TMEM30A: variants seen among roughly 807,000 people sequenced by gnomAD.
The protein encoded by TMEM30A is cell division cycle 50 P4-ATPase accessory subunit A.
A neutral mutation model predicts 38.2 loss-of-function variants in TMEM30A; 24 were observed. The ratio of observed to expected loss-of-function variants is 0.63; its 90% CI spans 0.46 to 0.88. TMEM30A has a LOEUF of 0.88. Among genes scored for constraint, TMEM30A ranks in the 40% least tolerant of loss-of-function variants. The probability of loss-of-function intolerance (pLI) is 0.00; values close to 1 mark genes in which losing one functional copy is unlikely to be tolerated. For missense variants in TMEM30A, 370 were observed against 458.6 expected (o/e 0.81, Z 1.77); for synonymous variants, 145 against 161.6 (o/e 0.90, Z 0.78).
intron 6 of TMEM30A, chr6:75,256,822 C>T (rs1485951604): frequency 2.2e-6 from 1 of 462,320 alleles, no homozygotes; most frequent in South Asian, 1.5e-5. Flanking sequence ...AATGGCAAAA[C>T]TCACTCTGTG....
Position 75,284,613 on chromosome 6 carries a change from T to A in TMEM30A, c.26A>T (p.Asp9Val), listed in dbSNP as rs778132305. The change falls in exon 1 of 7, where the codon GAT becomes GTT. Residue 9 changes from aspartate (D) to valine (V), a missense_variant. Asp to Val is a radical substitution (Grantham distance 152). Transcript: ENST00000230461. MAMNYNAKDEVDGGPPCAP... is the reference protein window; with the variant it reads MAMNYNAKVEVDGGPPCAP... Reference sequence around the variant, plus strand: ...ACACGGGGGCCCACCGTCCACTTCATCCTTCGCGTTATAGTTCATCGCCAT... The same window carrying A: ...ACACGGGGGCCCACCGTCCACTTCAACCTTCGCGTTATAGTTCATCGCCAT... The A allele has an allele frequency of 6.8e-6, 11 of 1,613,710 alleles. No individual in the cohort carries two copies. The highest frequency in any genetic ancestry group is 9.3e-6 in the Non-Finnish European group (11 of 1,180,004).
chr6:75,274,270 G>C (rs1236700390), intron 1 of TMEM30A, among the ~76,000 whole-genome samples: 1 of 152,202 alleles, frequency 6.6e-6, no homozygotes, highest in Non-Finnish European at 1.5e-5. Flanking sequence ...GCATAAGGTA[G>C]GGGAGTGGTA....
rs1415447119 is a variant in TMEM30A, at chr6:75,254,705, T to C, written c.*1397A>G. ...AACTCTGAGTAAACAGGCATTCTTC[T>C]ACACAAACATGAGTTATTTCAGTAA... is the stretch of plus-strand genomic sequence containing the variant. On this transcript the variant is annotated 3_prime_UTR_variant, in exon 7 of 7. Coordinates refer to ENST00000230461, the MANE Select transcript of TMEM30A (RefSeq NM_018247.4). The C allele has an allele frequency of 1.3e-5, 2 of 152,432 alleles. No individual in the cohort carries two copies. Among genetic ancestry groups the C allele is most frequent in the East Asian group, 3.8e-4 (2 of 5,196 alleles). The allele number at this position is 152,432 out of a possible 1,614,324, so 9.4% of individuals were successfully genotyped here. A position where few individuals can be genotyped will look rare whatever the true frequency, so the allele number is the denominator to read the frequency against.
At position 75,284,439 on chromosome 6, in the gene TMEM30A, C is replaced by G; in HGVS notation, c.200G>C (p.Gly67Ala). The G allele has an allele frequency of 6.2e-7, 1 of 1,614,096 alleles. No individual in the cohort carries two copies. Among genetic ancestry groups the G allele is most frequent in the Non-Finnish European group, 8.5e-7 (1 of 1,180,004 alleles). ...GATGTTGTTGGAGGTGACAAAAATG[C>G]CAATGCCGATGGGAATGAAGATGAG... ...IGLIFIPIGI[G>A]IFVTSNNIRE... is the part of the protein sequence containing the mutation. Residue 67 changes from glycine (G) to alanine (A), a missense_variant, in exon 1 of 7, where the codon GGC (glycine) becomes GCC (alanine). By Grantham distance (60) the Gly-to-Ala change is moderately conservative (BLOSUM62 0). Coordinates refer to ENST00000230461, the MANE Select transcript of TMEM30A (RefSeq NM_018247.4).
At position 75,260,326 on chromosome 6, in the gene TMEM30A, A is replaced by G. The variant is rs1026578296; in HGVS notation, c.541+498T>C. Among the ~76,000 whole-genome samples, 4 of 152,260 alleles carry G rather than the reference A, an allele frequency of 2.6e-5. No individual in the cohort carries two copies. In the Middle Eastern group the frequency reaches 0.014, roughly 518 times the overall value. ...GAAGCTGAGGCAAGAGAAATGCTTGAACCCAGGGAGCAGAGGTTGCAGTGA... is the reference window on the plus strand; with the variant it reads ...GAAGCTGAGGCAAGAGAAATGCTTGGACCCAGGGAGCAGAGGTTGCAGTGA... On this transcript the variant is annotated intron_variant, in intron 4 of 6. Transcript: ENST00000230461.
rs1771852663 is a variant in TMEM30A at position 75,255,482 on chromosome 6, T to C, written c.*620A>G. The stretch of plus-strand genomic sequence containing the variant: ...AGGACCTACCCAACCACTGCAGACA[T>C]GAGCATTAATTCTTATGCCAGACAA... On this transcript the variant is annotated 3_prime_UTR_variant, in exon 7 of 7. Coordinates refer to ENST00000230461, the MANE Select transcript of TMEM30A (RefSeq NM_018247.4). 1 of 152,434 alleles carries C rather than the reference T, an allele frequency of 6.6e-6. No individual in the cohort carries two copies. The highest frequency in any genetic ancestry group is 2.1e-4 in the South Asian group (1 of 4,834). 9.4% of individuals were successfully genotyped at this position (152,434 alleles called of 1,614,324 possible).
chr6:75,279,680 C>T (rs1772325858), intron 1 of TMEM30A, among the ~76,000 whole-genome samples: 3 of 152,184 alleles, frequency 2.0e-5, no homozygotes, highest in African/African-American at 7.2e-5. Flanking sequence ...TTTGCTACCA[C>T]TGTAATTGTT....
chr6:75,266,568 A>C (rs947400141), intron 2 of TMEM30A, among the ~76,000 whole-genome samples: 40 of 152,238 alleles, frequency 2.6e-4, no homozygotes, highest in Admixed American at 2.5e-3. Flanking sequence ...AGAAACACAG[A>C]GTCCACAAGA....
Position 75,259,446 on chromosome 6 carries a change from G to A in TMEM30A, c.586C>T (p.Pro196Ser). The change falls in exon 5 of 7, where the codon CCT (proline) becomes TCT (serine). Residue 196 changes from proline (P) to serine (S), a missense_variant. Physicochemically the swap from Pro to Ser is moderately conservative, Grantham distance 74 (BLOSUM62 -1). Transcript: ENST00000230461. Reference protein sequence around the residue: ...FLIGNDSYPIPIALKKKGIAW... With the variant: ...FLIGNDSYPISIALKKKGIAW... ...ATACCTTTCTTTTTCAAAGCGATAG[G>A]TATAGGATAAGAATCATTGCCAATG... 1.2e-6 allele frequency: 2 copies of A among 1,611,166 alleles called. No individual in the cohort carries two copies. The highest frequency in any genetic ancestry group is 1.7e-6 in the Non-Finnish European group (2 of 1,178,930).
At chr6:75,262,713 C>T (rs980620144) in intron 3 of TMEM30A, among the ~76,000 whole-genome samples, 1 of 152,034 alleles carries the variant, frequency 6.6e-6, no homozygotes, top group African/African-American at 2.4e-5. Flanking sequence ...TAATATGCAG[C>T]ATGTACAATA....
intron 3 of TMEM30A, among the ~76,000 whole-genome samples, chr6:75,264,471 A>T (rs1009857660): frequency 2.0e-5 from 3 of 151,898 alleles, no homozygotes; most frequent in African/African-American, 7.3e-5. Context: ...CCCCGTCTCT[A>T]CTAAAAATAC....
chr6:75,284,009 C>T (rs1292592963), intron 1 of TMEM30A, among the ~76,000 whole-genome samples: 1 of 152,176 alleles, frequency 6.6e-6, no homozygotes, highest in African/African-American at 2.4e-5. Context: ...CTCAGGGTTA[C>T]ATCTACCTAG....
At chr6:75,283,125 C>T (rs892849415) in intron 1 of TMEM30A, among the ~76,000 whole-genome samples, 10 of 152,112 alleles carry the variant, frequency 6.6e-5, no homozygotes, top group African/African-American at 2.2e-4. Flanking sequence ...ACTAGTTATT[C>T]TATAGATACT....
chr6:75,266,800 T>C (rs1772076050), intron 2 of TMEM30A, among the ~76,000 whole-genome samples: 1 of 152,218 alleles, frequency 6.6e-6, no homozygotes, highest in African/African-American at 2.4e-5. Context: ...CTGTTTCTGC[T>C]GAAACAAAGT....
At chr6:75,258,639 C>T in intron 6 of TMEM30A, 141 bp downstream of exon 6, 1 of 654,648 alleles carries the variant, frequency 1.5e-6, no homozygotes, top group Non-Finnish European at 2.5e-6. Flanking sequence ...AAAATACATT[C>T]TCACATATAC....
At chr6:75,256,610 GA>G in intron 6 of TMEM30A, 1 of 359,490 alleles carries the variant, frequency 2.8e-6, no homozygotes. Flanking sequence ...AATGCAATGT[GA>G]AAAAAATACT....
In TMEM30A at chr6:75,279,445, T is replaced by C. The variant is rs1186196990; in HGVS notation, c.237+4957A>G. 3.9e-5 allele frequency among the ~76,000 whole-genome samples: 6 copies of C among 152,006 alleles called. 1 individual carries two copies. Among genetic ancestry groups the C allele is most frequent in the Non-Finnish European group, 7.4e-5 (5 of 68,004 alleles). ...ATAAAGTTCACACTAAAGCACATAGTTCCTATCTTTAGAAACAAAAGAGGC... is the reference window on the plus strand; with the variant it reads ...ATAAAGTTCACACTAAAGCACATAGCTCCTATCTTTAGAAACAAAAGAGGC... On this transcript the variant is annotated intron_variant, in intron 1 of 6. Coordinates refer to ENST00000230461, the MANE Select transcript of TMEM30A (RefSeq NM_018247.4).
intron 1 of TMEM30A, among the ~76,000 whole-genome samples, chr6:75,274,925 G>C (rs919465579): frequency 7.3e-5 from 11 of 151,602 alleles, no homozygotes; most frequent in Non-Finnish European, 1.3e-4. Context: ...GCAGGAGAAC[G>C]GCATGAACCT....
intron 1 of TMEM30A, among the ~76,000 whole-genome samples, chr6:75,271,166 T>C (rs1488004526): frequency 1.3e-5 from 2 of 152,200 alleles, no homozygotes; most frequent in Non-Finnish European, 2.9e-5. Flanking sequence ...CTTATTCCCA[T>C]ATTATACGCT....
Sources: allele counts gnomAD v4.1 joint callset (sites outside exome capture counted in the v4.1 genomes callset), GRCh38; gene constraint gnomAD v4.1.1; transcripts MANE v1.5; gene names NCBI Gene and HGNC (gene_info 2026-07-23, HGNC 2026-07-21).